STRA6: variants seen among roughly 807,000 people sequenced by gnomAD.
STRA6 encodes signaling receptor and transporter of retinol STRA6.
Under a neutral mutation model 83.6 loss-of-function variants are expected in STRA6, and 48 were observed. The observed-to-expected ratio is 0.57, with a 90% CI of 0.46 to 0.73. The LOEUF is 0.73. STRA6 is among the 30% of genes least tolerant of loss of function. The pLI, the probability that STRA6 is intolerant of heterozygous loss-of-function variation, is 0.00. For synonymous variants in STRA6, 353 were observed against 362.3 expected (o/e 0.97, Z 0.29); for missense variants, 760 against 838.8 (o/e 0.91, Z 1.16).
intron 13 of STRA6, 37 bp downstream of exon 13, chr15:74,184,943 C>A (rs1270827216): frequency 6.2e-7 from 1 of 1,605,512 alleles, no homozygotes; most frequent in South Asian, 1.1e-5. Flanking sequence ...ACTCCTTCCC[C>A]ACCTCGGCGC....
chr15:74,191,102 A>G, intron 10 of STRA6, 65 bp downstream of exon 10: 1 of 1,595,448 alleles, frequency 6.3e-7, no homozygotes, highest in South Asian at 1.1e-5. Context: ...CCTCCACTGC[A>G]GCCATTCTGT....
At chr15:74,184,748 G>A (rs2073158775) in intron 13 of STRA6, among the ~76,000 whole-genome samples, 1 of 152,206 alleles carries the variant, frequency 6.6e-6, no homozygotes, top group Non-Finnish European at 1.5e-5. Flanking sequence ...AGTTGGTGGT[G>A]CCCTATGTCC....
intron 18 of STRA6, 107 bp downstream of exon 18, chr15:74,180,675 A>T: frequency 2.0e-6 from 3 of 1,471,756 alleles, no homozygotes; most frequent in Non-Finnish European, 1.8e-6. Flanking sequence ...GAAGAGAGGA[A>T]GTGAGAATTT....
intron 7 of STRA6, chr15:74,194,320 G>A (rs2073705105): frequency 3.5e-6 from 4 of 1,148,380 alleles, no homozygotes; most frequent in Non-Finnish European, 4.3e-6. Context: ...CATCAGGAAA[G>A]TCTATGCCCT....
At chr15:74,193,997 CCCA>C in intron 7 of STRA6, 75 bp from the exon 8 acceptor site, 1 of 1,589,906 alleles carries the variant, frequency 6.3e-7, no homozygotes, top group Non-Finnish European at 8.6e-7. Context: ...CGTTGCCCTT[CCCA>C]CCTCACACTG....
chr15:74,202,414 T>G lies in STRA6; in HGVS notation c.-15-132A>C, dbSNP rs1396435431. 3 of 1,538,678 alleles carry G rather than the reference T, an allele frequency of 1.9e-6. No homozygotes were observed. The Admixed American group carries it at 5.9e-5, about 30-fold the overall frequency. On this transcript the variant is annotated intron_variant, in intron 1 of 18. Coordinates refer to ENST00000395105, the MANE Select transcript of STRA6 (RefSeq NM_022369.4). ...CTCTTTAATCCTGAAGGTTACTTTCTTACTTTTAGCTCTCTGGGAAAAGCC... is the reference window on the plus strand; with the variant it reads ...CTCTTTAATCCTGAAGGTTACTTTCGTACTTTTAGCTCTCTGGGAAAAGCC...
At chr15:74,211,525 C>T (rs1459712334), upstream of STRA6, among the ~76,000 whole-genome samples, 13 of 151,870 alleles carry the variant, frequency 8.6e-5, no homozygotes, top group African/African-American at 2.4e-4. Flanking sequence ...TTCGGCCTCC[C>T]GAGTAGCTCG....
chr15:74,181,562 CCTACCATTTATTG>C (rs1261151792), intron 16 of STRA6, 104 bp from the exon 17 acceptor site: 5 of 1,462,372 alleles, frequency 3.4e-6, no homozygotes, highest in Non-Finnish European at 4.7e-6. Flanking sequence ...TTACTGAGTG[CCTACCATTTATTG>C]CTATGTCTTC....
At chr15:74,193,692 G>C (rs563674203) in intron 8 of STRA6, 108 bp downstream of exon 8, 1 of 1,555,254 alleles carries the variant, frequency 6.4e-7, no homozygotes, top group African/African-American at 1.4e-5. Context: ...CATCTATTCT[G>C]TGCTGGGCCC....
At chr15:74,206,654 G>C (rs969298682), upstream of STRA6, among the ~76,000 whole-genome samples, 1 of 152,216 alleles carries the variant, frequency 6.6e-6, no homozygotes, top group Non-Finnish European at 1.5e-5. Flanking sequence ...AGGGAAAGGA[G>C]GAGATGGCTT....
At chr15:74,186,796 G>A (rs1274585793) in intron 12 of STRA6, among the ~76,000 whole-genome samples, 2 of 152,114 alleles carry the variant, frequency 1.3e-5, no homozygotes, top group Non-Finnish European at 2.9e-5. Flanking sequence ...TCACTGGGAG[G>A]GCTGTTCACT....
In STRA6 at chr15:74,196,119, G is replaced by A; in HGVS notation, c.295C>T (p.Pro99Ser). The change falls in exon 5 of 19, where the codon CCC becomes TCC. Residue 99 changes from proline (P) to serine (S), a missense_variant. By Grantham distance (74) the Pro-to-Ser change is moderately conservative. Transcript: ENST00000395105. ...AAAACAGCAGCAGGCACTGCCCGGG[G>A]CCTGTCCCCAGCCAAGAAATCCACA... The part of the protein sequence containing the change: ...SPVDFLAGDR[P>S]RAVPAAVFMV... The A allele has an allele frequency of 6.2e-7, 1 of 1,613,896 alleles. No homozygotes were observed.
chr15:74,185,375 C>T (rs777180723), intron 12 of STRA6, among the ~76,000 whole-genome samples: 17 of 152,264 alleles, frequency 1.1e-4, no homozygotes, highest in Non-Finnish European at 5.9e-5. Context: ...TCCAGCTTCA[C>T]TGCTTCTTGG....
chr15:74,189,373 C>T, intron 11 of STRA6, 96 bp from the exon 12 acceptor site: 1 of 1,502,448 alleles, frequency 6.7e-7, no homozygotes, highest in South Asian at 1.2e-5. Flanking sequence ...ACACAGGCCC[C>T]AGCCACATGC....
upstream of STRA6, among the ~76,000 whole-genome samples, chr15:74,206,951 C>T (rs2074273646): frequency 6.6e-6 from 1 of 152,206 alleles, no homozygotes; most frequent in African/African-American, 2.4e-5. Context: ...CTAAGCCCTG[C>T]TCACTATGGG....
At chr15:74,180,970 G>A (rs2072950943) in intron 17 of STRA6, 33 bp from the exon 18 acceptor site, 2 of 1,612,062 alleles carry the variant, frequency 1.2e-6, no homozygotes, top group Middle Eastern at 3.3e-4. Context: ...AATGCTGGGG[G>A]AGCAGGGGCC....
intron 9 of STRA6, 27 bp downstream of exon 9, chr15:74,191,397 C>G: frequency 6.2e-7 from 1 of 1,613,256 alleles, no homozygotes; most frequent in Non-Finnish European, 8.5e-7. Flanking sequence ...ATCCATTGGC[C>G]CACAAAGGGT....
At chr15:74,182,616 T>C (rs2073052107) in intron 14 of STRA6, 156 bp from the exon 15 acceptor site, 1 of 633,816 alleles carries the variant, frequency 1.6e-6, no homozygotes, top group Non-Finnish European at 2.8e-6. Context: ...AACAAATCAC[T>C]TTACTTCATT....
At chr15:74,182,635 G>A (rs557392969) in intron 14 of STRA6, 175 bp from the exon 15 acceptor site, 3 of 610,046 alleles carry the variant, frequency 4.9e-6, no homozygotes, top group East Asian at 2.8e-5. Flanking sequence ...TTGAGCCTCA[G>A]TTTCTTCCTC....
Sources: gnomAD v4.1 joint callset for allele counts (sites outside exome capture counted in the v4.1 genomes callset) on GRCh38, gnomAD v4.1.1 for gene constraint, MANE v1.5 for transcripts, NCBI Gene and HGNC (gene_info 2026-07-23, HGNC 2026-07-21) for gene names.